Variants in LRRC37A2 observed in about 807,000 individuals in gnomAD.
LRRC37A2 encodes the protein leucine rich repeat containing 37 member A2.
LRRC37A2 carries 9 observed loss-of-function variants against 68.8 expected under a neutral mutation model. The ratio of observed to expected loss-of-function variants is 0.13; its 90% CI spans 0.08 to 0.23. The LOEUF (loss-of-function observed/expected upper bound fraction) is 0.23. Ranked by LOEUF, LRRC37A2 falls within the 10% of genes least tolerant of loss-of-function variation. The probability of loss-of-function intolerance (pLI) is 1.00; values close to 1 mark genes in which losing one functional copy is unlikely to be tolerated. For missense variants in LRRC37A2, 168 were observed against 950.4 expected, an observed-to-expected ratio of 0.18 and a Z score of 10.82; for synonymous variants, 63 against 367.6, an observed-to-expected ratio of 0.17 and a Z score of 9.48.
chr17:46,961,823 G>A, the LRRC37A2 span, among the ~76,000 whole-genome samples: 6 of 152,148 alleles, frequency 3.9e-5, no homozygotes, highest in African/African-American at 1.4e-4. Flanking sequence ...TTTATCTAAT[G>A]CCTACTGTAT....
At chr17:46,855,725 G>T in the LRRC37A2 span, among the ~76,000 whole-genome samples, 3 of 152,222 alleles carry the variant, frequency 2.0e-5, no homozygotes, top group Non-Finnish European at 2.9e-5. Context: ...TAGAGACGGA[G>T]TCTCGCTCTG....
At chr17:46,919,719 G>T in the LRRC37A2 span, among the ~76,000 whole-genome samples, 1 of 152,156 alleles carries the variant, frequency 6.6e-6, no homozygotes, top group African/African-American at 2.4e-5. Flanking sequence ...GGCCAAAGCG[G>T]GTGGATCATC....
chr17:46,785,122 C>T, the LRRC37A2 span, among the ~76,000 whole-genome samples: 4 of 152,210 alleles, frequency 2.6e-5, no homozygotes, highest in Admixed American at 2.6e-4. Flanking sequence ...CTTCAGTGCA[C>T]AGCTGCCTTC....
the LRRC37A2 span, among the ~76,000 whole-genome samples, chr17:46,945,524 TCA>T: frequency 2.6e-5 from 4 of 152,204 alleles, no homozygotes; most frequent in Non-Finnish European, 5.9e-5. Flanking sequence ...CACTCCAGCC[TCA>T]GTTTCCTGTC....
At chr17:46,703,698 A>AC in the LRRC37A2 span, among the ~76,000 whole-genome samples, 36 of 149,802 alleles carry the variant, frequency 2.4e-4, no homozygotes, top group African/African-American at 8.4e-4. Context: ...AAAAAAAAAA[A>AC]AAAAAACAAA....
chr17:46,876,774 A>G, the LRRC37A2 span: 3 of 1,484,852 alleles, frequency 2.0e-6, no homozygotes, highest in Non-Finnish European at 2.7e-6. Flanking sequence ...GGCACCCTTC[A>G]AGCTGCCCAG....
At chr17:46,811,400 T>G in the LRRC37A2 span, among the ~76,000 whole-genome samples, 1 of 152,124 alleles carries the variant, frequency 6.6e-6, no homozygotes, top group East Asian at 1.9e-4. Flanking sequence ...CTCTCTGAGA[T>G]ATTAGTTTGA....
chr17:46,970,295 C>T, the LRRC37A2 span, among the ~76,000 whole-genome samples: 1 of 152,148 alleles, frequency 6.6e-6, no homozygotes, highest in Non-Finnish European at 1.5e-5. Context: ...AATCCCAGCA[C>T]TTTGGGAGGC....
At chr17:46,945,036 G>A in the LRRC37A2 span, among the ~76,000 whole-genome samples, 4 of 152,242 alleles carry the variant, frequency 2.6e-5, no homozygotes, top group African/African-American at 9.6e-5. Flanking sequence ...AACCGAGGTT[G>A]AGAGGTGATA....
At chr17:46,548,705 G>A (rs1202992993) in exon 10 of LRRC37A2, 18 of 1,609,254 alleles carry the variant, frequency 1.1e-5, no homozygotes, top group African/African-American at 6.9e-5. Context: ...AGCATCAGGA[G>A]GGAACAGGGT....
At chr17:46,960,328 A>C in the LRRC37A2 span, among the ~76,000 whole-genome samples, 2 of 152,200 alleles carry the variant, frequency 1.3e-5, no homozygotes, top group African/African-American at 2.4e-5. Flanking sequence ...CATACAAACA[A>C]ACACAACACA....
the LRRC37A2 span, among the ~76,000 whole-genome samples, chr17:46,569,236 C>T: frequency 6.6e-6 from 1 of 151,546 alleles, no homozygotes. Context: ...GTGTAAGCCA[C>T]CACACTCAGC....
the LRRC37A2 span, chr17:46,932,182 C>G: frequency 3.7e-6 from 6 of 1,614,118 alleles, no homozygotes; most frequent in Non-Finnish European, 4.2e-6. Flanking sequence ...GCTTCTGTCT[C>G]GAACCTTCAC....
At chr17:46,869,436 G>A in the LRRC37A2 span, among the ~76,000 whole-genome samples, 4 of 152,306 alleles carry the variant, frequency 2.6e-5, no homozygotes, top group African/African-American at 4.8e-5. Context: ...GAGTGGAGCC[G>A]TTCTGGGCAC....
the LRRC37A2 span, among the ~76,000 whole-genome samples, chr17:46,761,890 G>A: frequency 6.6e-6 from 1 of 152,152 alleles, no homozygotes; most frequent in African/African-American, 2.4e-5. Context: ...CTGAGAGGGT[G>A]CCCATCCCCA....
the LRRC37A2 span, among the ~76,000 whole-genome samples, chr17:46,891,923 T>C: frequency 2.2e-4 from 31 of 140,020 alleles, no homozygotes; most frequent in East Asian, 4.0e-4. Flanking sequence ...CTTTTCTTTT[T>C]TTTTTTTTTT....
At chr17:47,004,290 C>T in the LRRC37A2 span, among the ~76,000 whole-genome samples, 4 of 152,184 alleles carry the variant, frequency 2.6e-5, no homozygotes, top group Non-Finnish European at 4.4e-5. Context: ...CTTAAGGAAT[C>T]GCCACAGTGT....
At chr17:47,008,343 C>T in the LRRC37A2 span, among the ~76,000 whole-genome samples, 1 of 152,146 alleles carries the variant, frequency 6.6e-6, no homozygotes, top group Non-Finnish European at 1.5e-5. Context: ...GATCTCCTAA[C>T]CTCGTGATCC....
the LRRC37A2 span, among the ~76,000 whole-genome samples, chr17:46,828,077 C>T: frequency 3.3e-5 from 5 of 152,234 alleles, no homozygotes; most frequent in South Asian, 2.1e-4. Context: ...CCGCCCACCT[C>T]GGCCTATCCC....
Sources: gnomAD v4.1 joint callset for allele counts (sites outside exome capture counted in the v4.1 genomes callset) on GRCh38, gnomAD v4.1.1 for gene constraint, MANE v1.5 for transcripts, NCBI Gene and HGNC (gene_info 2026-07-23, HGNC 2026-07-21) for gene names.